The following PLCH1 variants were observed in gnomAD, a reference collection of about 807,000 sequenced individuals.
PLCH1 encodes the protein phospholipase C eta 1, also known as 1-phosphatidylinositol 4,5-bisphosphate phosphodiesterase eta-1.
PLCH1 carries 60 observed loss-of-function variants against 126.7 expected under a neutral mutation model. The ratio of observed to expected loss-of-function variants is 0.47; its 90% CI spans 0.38 to 0.59. PLCH1 has a LOEUF of 0.59. Among genes scored for constraint, PLCH1 ranks in the 20% least tolerant of loss-of-function variants. The pLI, the probability that PLCH1 is intolerant of heterozygous loss-of-function variation, is 0.00. For missense variants in PLCH1, 1,723 were observed against 2,040.0 expected, an observed-to-expected ratio of 0.84 and a Z score of 2.99; for synonymous variants, 719 against 734.9, an observed-to-expected ratio of 0.98 and a Z score of 0.35.
intron 2 of PLCH1, among the ~76,000 whole-genome samples, chr3:155,606,641 CCTTT>C (rs1468257422): frequency 1.3e-5 from 2 of 152,186 alleles, no homozygotes; most frequent in African/African-American, 4.8e-5. Flanking sequence ...GGAAAATACT[CCTTT>C]CTTTGCACAT....
intron 22 of PLCH1, among the ~76,000 whole-genome samples, chr3:155,484,616 G>A (rs571544889): frequency 6.6e-6 from 1 of 152,242 alleles, no homozygotes; most frequent in African/African-American, 2.4e-5. Flanking sequence ...CAGTTTTGGC[G>A]CTTAAATTTA....
rs143327494 is a variant in PLCH1 at position 155,672,957 on chromosome 3, G to A, written c.79+31189C>T. 4.8e-3 allele frequency among the ~76,000 whole-genome samples: 716 copies of A among 150,038 alleles called. 4 individuals carry two copies. The highest frequency in any genetic ancestry group is 0.017 in the African/African-American group (684 of 40,634). On this transcript the variant is annotated intron_variant, in intron 2 of 22. Transcript: ENST00000460012. ...GGTCTCCAGTGCTCCAGCCTCACCCGTTCCACCATCAGTCTCCAAACTGTT... is the reference window on the plus strand; with the variant it reads ...GGTCTCCAGTGCTCCAGCCTCACCCATTCCACCATCAGTCTCCAAACTGTT...
At chr3:155,479,560 G>A (rs567352096), downstream of PLCH1, among the ~76,000 whole-genome samples, 245 of 149,844 alleles carry the variant, frequency 1.6e-3, no homozygotes, top group Non-Finnish European at 2.3e-3. Flanking sequence ...CCCCACCCAC[G>A]ACCACCACCA....
chr3:155,579,045 T>TC (rs2108574952), intron 6 of PLCH1, among the ~76,000 whole-genome samples: 1 of 152,320 alleles, frequency 6.6e-6, no homozygotes, highest in Non-Finnish European at 1.5e-5. Context: ...AACATATTTC[T>TC]CCATGACTGT....
At chr3:155,633,481 C>T (rs6808145) in intron 2 of PLCH1, among the ~76,000 whole-genome samples, 28,800 of 151,298 alleles carry the variant, frequency 0.19, 3,547 homozygotes, top group African/African-American at 0.35. Flanking sequence ...TTATTATTTC[C>T]GTCTCTCCTG....
chr3:155,582,075 CTTTTTTTTTTTT>C (rs869254665), intron 6 of PLCH1, among the ~76,000 whole-genome samples: 4 of 64,120 alleles, frequency 6.2e-5, no homozygotes, highest in Non-Finnish European at 8.2e-5. Flanking sequence ...TCTTTTCTTT[CTTTTTTTTTTTT>C]TTTTTTTTTT....
chr3:155,609,447 A>T (rs1465409394), intron 2 of PLCH1, among the ~76,000 whole-genome samples: 12 of 152,210 alleles, frequency 7.9e-5, no homozygotes, highest in Non-Finnish European at 1.5e-4. Flanking sequence ...AAGGAGAAAG[A>T]ACCAAAAAAG....
Position 155,593,793 on chromosome 3 carries a change from G to C in PLCH1, c.470+148C>G, listed in dbSNP as rs569335525. 2.1e-5 allele frequency: 15 copies of C among 713,744 alleles called. No homozygotes were observed. The African/African-American group carries it at 2.5e-4, about 12-fold the overall frequency. 44.2% of individuals were successfully genotyped at this position (713,744 alleles called of 1,614,324 possible). ...GTTCATTTATTTGGAGTGAGAGTCA[G>C]GAGGGGAGAAGACGGTGTGAGGGGT... is the stretch of plus-strand genomic sequence containing the variant. On this transcript the variant is annotated intron_variant, in intron 4 of 22. Transcript: ENST00000460012.
intron 2 of PLCH1, among the ~76,000 whole-genome samples, chr3:155,688,313 A>T (rs1405638146): frequency 3.3e-5 from 5 of 152,254 alleles, no homozygotes; most frequent in Admixed American, 3.3e-4. Flanking sequence ...ATAATCAGAA[A>T]ATGCAGTGAT....
intron 2 of PLCH1, among the ~76,000 whole-genome samples, chr3:155,672,857 T>C (rs572713045): frequency 1.3e-5 from 2 of 152,256 alleles, no homozygotes; most frequent in African/African-American, 4.8e-5. Flanking sequence ...AATGTTTTCT[T>C]ATGAAAGATC....
chr3:155,669,183 C>A (rs534728699), intron 2 of PLCH1, among the ~76,000 whole-genome samples: 1 of 149,888 alleles, frequency 6.7e-6, no homozygotes, highest in Non-Finnish European at 1.5e-5. Context: ...CATTTGTGGT[C>A]AAAAACAGTA....
intron 2 of PLCH1, among the ~76,000 whole-genome samples, chr3:155,671,923 A>G (rs1743495877): frequency 6.6e-6 from 1 of 152,196 alleles, no homozygotes; most frequent in Non-Finnish European, 1.5e-5. Context: ...GAAGGCTGAG[A>G]AAAAACTGTA....
At chr3:155,715,645 C>T (rs1241884655) in intron 1 of PLCH1, among the ~76,000 whole-genome samples, 5 of 143,914 alleles carry the variant, frequency 3.5e-5, no homozygotes, top group Non-Finnish European at 7.5e-5. Context: ...CAGAGTAACA[C>T]TCTGTTGTCC....
intron 9 of PLCH1, among the ~76,000 whole-genome samples, chr3:155,550,749 C>T (rs1238499717): frequency 6.6e-6 from 1 of 152,198 alleles, no homozygotes; most frequent in Non-Finnish European, 1.5e-5. Flanking sequence ...TTTTCCGTTA[C>T]ATGTCTTCAG....
At chr3:155,576,330 G>A (rs1222794633) in intron 6 of PLCH1, among the ~76,000 whole-genome samples, 4 of 152,202 alleles carry the variant, frequency 2.6e-5, no homozygotes, top group African/African-American at 9.6e-5. Flanking sequence ...TTTATCTGTA[G>A]ATGAAAGGAA....
chr3:155,481,939 G>C lies in PLCH1; in HGVS notation c.4087C>G (p.Leu1363Val). 1.9e-6 allele frequency: 3 copies of C among 1,614,152 alleles called. No individual in the cohort carries two copies. Among genetic ancestry groups the C allele is most frequent in the East Asian group, 2.2e-5 (1 of 44,890 alleles). ...EIDGESENLSLTTCEYRREGT... is the reference protein window; with the variant it reads ...EIDGESENLSVTTCEYRREGT... ...TCTCTCCTATATTCACAGGTTGTTA[G>C]AGAAAGATTTTCTGATTCTCCATCA... The change falls in exon 23 of 23, where the codon CTA becomes GTA. Residue 1363 changes from leucine to valine, a missense_variant. Leu to Val is a conservative substitution (Grantham distance 32, BLOSUM62 1). Transcript: ENST00000460012. This position sits in a 1 kb window ranked among gnomAD's most constrained non-coding sequence, Gnocchi z 4.2.
intron 14 of PLCH1, among the ~76,000 whole-genome samples, chr3:155,498,815 C>T (rs1717462738): frequency 6.6e-6 from 1 of 152,176 alleles, no homozygotes; most frequent in Admixed American, 6.5e-5. Flanking sequence ...CTACAAACCA[C>T]TCATAGGATC....
rs767590637 is a variant in PLCH1 at position 155,483,019 on chromosome 3, C to T, written c.3007G>A (p.Ala1003Thr). ...AGAAAATGTGGATCTTTTATACTTG[C>T]TTTCCCTTTTCTTCTGCCATCTTTA... ...EDKDGRRKGK[A>T]SIKDPHFLNF... Residue 1003 changes from alanine (A) to threonine (T), a missense_variant, in exon 23 of 23, where the codon GCA becomes ACA. Around this residue, in one of 2 missense-constraint regions of PLCH1, gnomAD observed 947 missense variants for 977.1 expected, o/e 0.97. Transcript: ENST00000460012. The T allele has an allele frequency of 1.9e-6, 3 of 1,613,634 alleles. No individual in the cohort carries two copies. Among genetic ancestry groups the T allele is most frequent in the Non-Finnish European group, 2.5e-6 (3 of 1,179,804 alleles).
At chr3:155,682,206 C>G (rs1026448677) in intron 2 of PLCH1, among the ~76,000 whole-genome samples, 2 of 152,190 alleles carry the variant, frequency 1.3e-5, no homozygotes, top group Admixed American at 1.3e-4. Context: ...TCAATGCAAA[C>G]TTTGAGTTAA....
Sources: gnomAD v4.1 joint callset for allele counts (sites outside exome capture counted in the v4.1 genomes callset) on GRCh38, gnomAD v4.1.1 for gene constraint, gnomAD v4.1.1 regional missense constraint, Gnocchi (gnomAD v3.1) non-coding constraint, MANE v1.5 for transcripts, NCBI Gene and HGNC (gene_info 2026-07-23, HGNC 2026-07-21) for gene names.